Variants in ZNF813 observed in about 807,000 individuals in gnomAD.
ZNF813 encodes zinc finger protein 813.
In ZNF813, 3 loss-of-function variants were observed where a neutral mutation model predicts 7.2. That is an observed-to-expected ratio of 0.42 (90% confidence interval 0.19 to 1.08). The LOEUF is 1.08. Among genes scored for constraint, ZNF813 ranks in the 50% least tolerant of loss-of-function variants. ZNF813 has a pLI of 0.30. For synonymous variants in ZNF813, 227 were observed against 256.3 expected (o/e 0.89, Z 1.09); for missense variants, 714 against 753.3 (o/e 0.95, Z 0.61).
Position 53,476,290 on chromosome 19 carries a change from T to C in ZNF813, c.-73-7460T>C, listed in dbSNP as rs1300042916. 2.0e-5 allele frequency among the ~76,000 whole-genome samples: 3 copies of C among 152,174 alleles called. No individual in the cohort carries two copies. The East Asian group carries it at 5.8e-4, about 29-fold the overall frequency. On this transcript the variant is annotated intron_variant, in intron 1 of 3. Coordinates refer to ENST00000396403, the MANE Select transcript of ZNF813 (RefSeq NM_001004301.4). ...TACTGCAACAAGGTGCAGTTGCTATTTGGCAGGGTATAAGCCATGAGGTCT... is the reference window on the plus strand; with the variant it reads ...TACTGCAACAAGGTGCAGTTGCTATCTGGCAGGGTATAAGCCATGAGGTCT...
At chr19:53,486,509 C>T in intron 2 of ZNF813, 123 bp from the exon 3 acceptor site, 1 of 1,567,844 alleles carries the variant, frequency 6.4e-7, no homozygotes, top group Non-Finnish European at 8.7e-7. Context: ...GAACCCCTTA[C>T]TCGGATTTGT....
chr19:53,470,162 T>TC (rs1407018274), intron 1 of ZNF813, among the ~76,000 whole-genome samples: 32 of 51,340 alleles, frequency 6.2e-4, no homozygotes, highest in Admixed American at 8.2e-4. Context: ...TCTTTCTTTT[T>TC]CTTTTCTTTT....
Position 53,483,849 on chromosome 19 carries a change from T to G in ZNF813, c.15+12T>G, listed in dbSNP as rs1329325502. ...TGGCTCTTCCTCAGGTGAGATGATA[T>G]TTTTGGTGGATTGTTCTGTCTCCTT... On this transcript the variant is annotated intron_variant, in intron 2 of 3. Transcript: ENST00000396403. The G allele has an allele frequency of 6.2e-7, 1 of 1,613,836 alleles. No homozygotes were observed. Among genetic ancestry groups the G allele is most frequent in the Non-Finnish European group, 8.5e-7 (1 of 1,179,988 alleles).
intron 3 of ZNF813, among the ~76,000 whole-genome samples, chr19:53,487,541 T>C (rs1692213237): frequency 6.6e-6 from 1 of 152,136 alleles, no homozygotes; most frequent in South Asian, 2.1e-4. Flanking sequence ...CTCATGCCTG[T>C]AATCCCAGCA....
rs775475809 is a variant in ZNF813 at position 53,491,328 on chromosome 19, C to G, written c.1096C>G (p.Arg366Gly). 1.9e-6 allele frequency: 3 copies of G among 1,612,802 alleles called. No individual in the cohort carries two copies. The Admixed American group carries it at 5.0e-5, about 27-fold the overall frequency. The change falls in exon 4 of 4, where the codon CGG (arginine) becomes GGG (glycine). Residue 366 changes from arginine (R) to glycine (G), a missense_variant. Transcript: ENST00000396403. ...KCNECGKTFS[R>G]KSSLTCHHRL... Reference sequence around the variant, plus strand: ...TAATGAGTGTGGCAAGACCTTTAGTCGGAAGTCATCCCTTACATGCCATCA... The same window carrying G: ...TAATGAGTGTGGCAAGACCTTTAGTGGGAAGTCATCCCTTACATGCCATCA...
chr19:53,483,986 A>G (rs971623235), intron 2 of ZNF813, 149 bp downstream of exon 2: 30 of 1,545,876 alleles, frequency 1.9e-5, no homozygotes, highest in Non-Finnish European at 2.6e-5. Context: ...CTCTTTTCTC[A>G]CTTAGATTCC....
intron 1 of ZNF813, among the ~76,000 whole-genome samples, chr19:53,469,289 A>T (rs2086344307): frequency 6.6e-6 from 1 of 150,720 alleles, no homozygotes; most frequent in African/African-American, 2.4e-5. Context: ...TTCTGCATCC[A>T]CAAAGTAACA....
chr19:53,472,374 A>C (rs1180766552), intron 1 of ZNF813, among the ~76,000 whole-genome samples: 1 of 152,168 alleles, frequency 6.6e-6, no homozygotes, highest in East Asian at 1.9e-4. Flanking sequence ...TTATACAGGT[A>C]GGTTACCACA....
At chr19:53,480,856 T>C (rs2086404723) in intron 1 of ZNF813, among the ~76,000 whole-genome samples, 1 of 152,066 alleles carries the variant, frequency 6.6e-6, no homozygotes, top group African/African-American at 2.4e-5. Context: ...CACCAGGCCA[T>C]GGGGGCTACG....
chr19:53,476,488 A>G (rs2086382310), intron 1 of ZNF813, among the ~76,000 whole-genome samples: 1 of 151,934 alleles, frequency 6.6e-6, no homozygotes, highest in South Asian at 2.1e-4. Flanking sequence ...AACTGGCCAC[A>G]TGCGGTGGCT....
chr19:53,481,965 A>T (rs1266004345), intron 1 of ZNF813, among the ~76,000 whole-genome samples: 1 of 152,114 alleles, frequency 6.6e-6, no homozygotes, highest in Admixed American at 6.5e-5. Flanking sequence ...CACTCATCTC[A>T]GACATTCTCA....
chr19:53,491,328 C>T lies in ZNF813; in HGVS notation c.1096C>T (p.Arg366Trp), dbSNP rs775475809. The change falls in exon 4 of 4, where the codon CGG (arginine) becomes TGG (tryptophan). Residue 366 changes from arginine (R) to tryptophan (W), a missense_variant. Around this residue, in one of 3 missense-constraint regions of ZNF813, gnomAD observed 563 missense variants for 554.2 expected, o/e 1.02. Coordinates refer to ENST00000396403, the MANE Select transcript of ZNF813 (RefSeq NM_001004301.4). ...KCNECGKTFS[R>W]KSSLTCHHRL... is the part of the protein sequence containing the mutation. Reference sequence around the variant, plus strand: ...TAATGAGTGTGGCAAGACCTTTAGTCGGAAGTCATCCCTTACATGCCATCA... The same window carrying T: ...TAATGAGTGTGGCAAGACCTTTAGTTGGAAGTCATCCCTTACATGCCATCA... The T allele has an allele frequency of 9.9e-6, 16 of 1,612,686 alleles. No homozygotes were observed. The highest frequency in any genetic ancestry group is 1.7e-5 in the Admixed American group (1 of 59,946).
At chr19:53,488,304 T>C (rs1016875879) in intron 3 of ZNF813, 1 of 453,508 alleles carries the variant, frequency 2.2e-6, no homozygotes, top group African/African-American at 2.0e-5. Flanking sequence ...ATTACAGGTG[T>C]GAACCACCGC....
intron 1 of ZNF813, among the ~76,000 whole-genome samples, chr19:53,478,152 A>G (rs536762096): frequency 1.3e-5 from 2 of 152,224 alleles, no homozygotes; most frequent in African/African-American, 4.8e-5. Context: ...CTGTTATTAC[A>G]TAATACTTTT....
chr19:53,490,299 G>T lies in ZNF813; in HGVS notation c.143-76G>T. ...GGGAAGTTTAAAATGAGTATTTTTT[G>T]TGTCACATTTACACATTTCAGTATT... On this transcript the variant is annotated intron_variant, in intron 3 of 3. Coordinates refer to ENST00000396403, the MANE Select transcript of ZNF813 (RefSeq NM_001004301.4). The T allele has an allele frequency of 6.0e-6, 9 of 1,500,614 alleles. No homozygotes were observed. In the Admixed American group the frequency reaches 1.0e-4, roughly 17 times the overall value. The allele number at this position is 1,500,614 out of a possible 1,614,324, so 93.0% of individuals were successfully genotyped here. A position where few individuals can be genotyped will look rare whatever the true frequency, so the allele number is the denominator to read the frequency against.
intron 1 of ZNF813, among the ~76,000 whole-genome samples, chr19:53,476,898 G>A (rs752778089): frequency 6.6e-6 from 1 of 152,014 alleles, no homozygotes; most frequent in Admixed American, 6.6e-5. Context: ...TCCTGACCTC[G>A]TGATCCACCC....
At chr19:53,474,245 A>G (rs1387103914) in intron 1 of ZNF813, among the ~76,000 whole-genome samples, 1 of 152,210 alleles carries the variant, frequency 6.6e-6, no homozygotes, top group Non-Finnish European at 1.5e-5. Context: ...GCAGTTCGGT[A>G]AAGTTTATAA....
chr19:53,488,778 G>A (rs1461398352), intron 3 of ZNF813, among the ~76,000 whole-genome samples: 1 of 152,072 alleles, frequency 6.6e-6, no homozygotes, highest in Non-Finnish European at 1.5e-5. Context: ...AAATTAACAT[G>A]TAGTGATCTT....
intron 2 of ZNF813, 110 bp from the exon 3 acceptor site, chr19:53,486,522 G>C: frequency 6.3e-7 from 1 of 1,595,374 alleles, no homozygotes; most frequent in South Asian, 1.1e-5. Context: ...GGATTTGTCA[G>C]AACATTCACT....
Sources: gnomAD v4.1 joint callset for allele counts (sites outside exome capture counted in the v4.1 genomes callset) on GRCh38, gnomAD v4.1.1 for gene constraint, gnomAD v4.1.1 regional missense constraint, MANE v1.5 for transcripts, NCBI Gene and HGNC (gene_info 2026-07-23, HGNC 2026-07-21) for gene names.